The following SLC5A4 variants were observed in gnomAD, a reference collection of about 807,000 sequenced individuals.
The protein encoded by SLC5A4 is solute carrier family 5 member 4, also known as probable glucose sensor protein SLC5A4.
SLC5A4 carries 55 observed loss-of-function variants against 70.3 expected under a neutral mutation model. That is an observed-to-expected ratio of 0.78 (90% CI 0.63 to 0.98). The LOEUF (loss-of-function observed/expected upper bound fraction) is 0.98, where lower values mean the gene tolerates loss of function less well. Ranked by LOEUF, SLC5A4 falls within the 50% of genes least tolerant of loss-of-function variation. The pLI is 0.00. For synonymous variants in SLC5A4, 268 were observed against 305.7 expected, an observed-to-expected ratio of 0.88 and a Z score of 1.29; for missense variants, 735 against 839.2, an observed-to-expected ratio of 0.88 and a Z score of 1.53.
At chr22:32,260,766 T>C in the SLC5A4 span, among the ~76,000 whole-genome samples, 15 of 152,108 alleles carry the variant, frequency 9.9e-5, no homozygotes, top group Non-Finnish European at 7.4e-5. Flanking sequence ...AATCCAGGTA[T>C]GGGACCAGGA....
chr22:32,240,970 T>G (rs1926475946), intron 5 of SLC5A4, among the ~76,000 whole-genome samples: 1 of 152,232 alleles, frequency 6.6e-6, no homozygotes, highest in South Asian at 2.1e-4. Flanking sequence ...GTTTGTGAAC[T>G]TCCATGAATC....
chr22:32,348,994 T>A, the SLC5A4 span, among the ~76,000 whole-genome samples: 1 of 152,216 alleles, frequency 6.6e-6, no homozygotes, highest in South Asian at 2.1e-4. Flanking sequence ...GTTGTTTTTT[T>A]AAGACAGAGT....
upstream of SLC5A4, among the ~76,000 whole-genome samples, chr22:32,259,555 A>G (rs536221010): frequency 6.6e-6 from 1 of 151,990 alleles, no homozygotes; most frequent in East Asian, 1.9e-4. Context: ...AAAATTCCCC[A>G]TGTTCTTGGT....
upstream of SLC5A4, among the ~76,000 whole-genome samples, chr22:32,257,493 C>T (rs1249056978): frequency 6.6e-6 from 1 of 151,652 alleles, no homozygotes; most frequent in African/African-American, 2.4e-5. Flanking sequence ...TAGCTGGGAC[C>T]ACAGGCACAT....
the SLC5A4 span, chr22:32,271,827 C>G: frequency 1.6e-6 from 1 of 606,962 alleles, no homozygotes; most frequent in South Asian, 1.5e-5. Context: ...TATGATTCCC[C>G]GTGGCCTGTC....
chr22:32,301,375 C>T, the SLC5A4 span, among the ~76,000 whole-genome samples: 2 of 152,144 alleles, frequency 1.3e-5, no homozygotes, highest in African/African-American at 4.8e-5. Flanking sequence ...TGTAGTGATA[C>T]TACACTGTGG....
At chr22:32,292,691 T>C in the SLC5A4 span, among the ~76,000 whole-genome samples, 1 of 152,184 alleles carries the variant, frequency 6.6e-6, no homozygotes, top group African/African-American at 2.4e-5. Flanking sequence ...TGCTTAATTA[T>C]ACAGTATAAC....
At chr22:32,341,279 A>G in the SLC5A4 span, among the ~76,000 whole-genome samples, 2 of 152,186 alleles carry the variant, frequency 1.3e-5, no homozygotes, top group Middle Eastern at 3.4e-3. Context: ...GTTAAAGGGA[A>G]GAGCCCTGGT....
intron 2 of SLC5A4, 41 bp downstream of exon 2, chr22:32,254,101 C>T: frequency 1.3e-6 from 2 of 1,515,428 alleles, no homozygotes; most frequent in Non-Finnish European, 1.8e-6. Flanking sequence ...TTTAAGCACA[C>T]ACACAGGAAA....
chr22:32,305,498 C>G, the SLC5A4 span, among the ~76,000 whole-genome samples: 2 of 149,090 alleles, frequency 1.3e-5, no homozygotes, highest in East Asian at 2.0e-4. Context: ...CATCCATTGC[C>G]TGGGGGTGCC....
At chr22:32,305,533 G>C in the SLC5A4 span, among the ~76,000 whole-genome samples, 1 of 148,838 alleles carries the variant, frequency 6.7e-6, no homozygotes, top group African/African-American at 2.5e-5. Context: ...CCCATCATCA[G>C]ATTTCAGGTG....
intron 9 of SLC5A4, 25 bp downstream of exon 9, chr22:32,232,874 G>A: frequency 1.9e-6 from 3 of 1,590,312 alleles, no homozygotes; most frequent in Non-Finnish European, 2.6e-6. Context: ...TAAAAAAAGA[G>A]AGAACATACG....
At position 32,218,685 on chromosome 22, in the gene SLC5A4, A is replaced by G. The variant is rs755762616; in HGVS notation, c.1809T>C (p.Tyr603=). The change falls in exon 15 of 15, where the codon TAT becomes TAC. Residue 603 remains tyrosine, a synonymous_variant. Coordinates refer to ENST00000266086, the MANE Select transcript of SLC5A4 (RefSeq NM_014227.3). ...CCTTCTGCAAACCGCAGAACAAGTC[A>G]TAAGCTTTCTTGAGGCATCCACGTG... ...EKSRGCLKKA[Y]DLFCGLQKGP... The G allele has an allele frequency of 1.9e-6, 3 of 1,614,094 alleles. No homozygotes were observed. Among genetic ancestry groups the G allele is most frequent in the East Asian group, 2.2e-5 (1 of 44,860 alleles).
chr22:32,230,024 T>C (rs1046390739), intron 10 of SLC5A4, among the ~76,000 whole-genome samples: 1 of 152,112 alleles, frequency 6.6e-6, no homozygotes, highest in Non-Finnish European at 1.5e-5. Context: ...AATAAGTCTT[T>C]GGAGGGGCAA....
In SLC5A4 at chr22:32,227,808, G is replaced by A. The variant is rs1471623319; in HGVS notation, c.1280+1386C>T. On this transcript the variant is annotated intron_variant, in intron 11 of 14. Coordinates refer to ENST00000266086, the MANE Select transcript of SLC5A4 (RefSeq NM_014227.3). Reference sequence around the variant, plus strand: ...AAATTAGCTGGGCATGGTCGTGCACGCCTCTAGTCCCAGCTACTCGGGAGG... The same window carrying A: ...AAATTAGCTGGGCATGGTCGTGCACACCTCTAGTCCCAGCTACTCGGGAGG... Among the ~76,000 whole-genome samples, 6 of 151,924 alleles carry A rather than the reference G, an allele frequency of 3.9e-5. 1 individual carries two copies. The highest frequency in any genetic ancestry group is 4.2e-4 in the South Asian group (2 of 4,810).
chr22:32,310,241 T>TA, the SLC5A4 span, among the ~76,000 whole-genome samples: 16 of 152,132 alleles, frequency 1.1e-4, no homozygotes, highest in Non-Finnish European at 2.1e-4. Flanking sequence ...TAAGCACCTA[T>TA]AGAGCATCAT....
chr22:32,258,907 T>C (rs1018912389), upstream of SLC5A4, among the ~76,000 whole-genome samples: 2 of 152,220 alleles, frequency 1.3e-5, no homozygotes, highest in African/African-American at 4.8e-5. Context: ...GGCAGAATAT[T>C]CTACAATATG....
chr22:32,333,957 A>G, the SLC5A4 span, among the ~76,000 whole-genome samples: 1 of 150,060 alleles, frequency 6.7e-6, no homozygotes. Flanking sequence ...ACCATGCTGC[A>G]GACCCACAAT....
chr22:32,327,925 CAAG>C, the SLC5A4 span, among the ~76,000 whole-genome samples: 1 of 152,152 alleles, frequency 6.6e-6, no homozygotes, highest in African/African-American at 2.4e-5. Flanking sequence ...TAATGTGGCC[CAAG>C]ATGTTTAACC....
Sources: gnomAD v4.1 joint callset for allele counts (sites outside exome capture counted in the v4.1 genomes callset) on GRCh38, gnomAD v4.1.1 for gene constraint, MANE v1.5 for transcripts, NCBI Gene and HGNC (gene_info 2026-07-23, HGNC 2026-07-21) for gene names.